Variants in SLC8A1 observed in about 807,000 individuals in gnomAD.
SLC8A1 encodes sodium/calcium exchanger 1.
Under a neutral mutation model 68.3 loss-of-function variants are expected in SLC8A1, and 18 were observed. The ratio of observed to expected loss-of-function variants is 0.26; its 90% CI spans 0.18 to 0.39. The LOEUF (loss-of-function observed/expected upper bound fraction) is 0.39. Ranked by LOEUF, SLC8A1 falls within the 10% of genes least tolerant of loss-of-function variation. The pLI is 1.00. For synonymous variants in SLC8A1, 475 were observed against 415.5 expected, an observed-to-expected ratio of 1.14 and a Z score of -1.74; for missense variants, 985 against 1,156.7, an observed-to-expected ratio of 0.85 and a Z score of 2.15.
At chr2:40,354,148 A>G (rs1346564697) in intron 2 of SLC8A1, among the ~76,000 whole-genome samples, 2 of 152,190 alleles carry the variant, frequency 1.3e-5, no homozygotes, top group African/African-American at 4.8e-5. Flanking sequence ...ACCACTTTGC[A>G]TTCTCCCTAG....
intron 2 of SLC8A1, among the ~76,000 whole-genome samples, chr2:40,401,335 C>T (rs990375800): frequency 2.0e-5 from 3 of 152,152 alleles, no homozygotes; most frequent in African/African-American, 7.2e-5. Flanking sequence ...ATTTCTTCCC[C>T]TTAAACTTCT....
intron 2 of SLC8A1, among the ~76,000 whole-genome samples, chr2:40,330,889 C>T (rs2076338379): frequency 6.6e-6 from 1 of 152,182 alleles, no homozygotes; most frequent in Non-Finnish European, 1.5e-5. Flanking sequence ...CTTGTAACTA[C>T]AGATAAATAT....
intron 1 of SLC8A1, among the ~76,000 whole-genome samples, chr2:40,484,035 C>CA (rs990828285): frequency 6.6e-6 from 1 of 152,160 alleles, no homozygotes; most frequent in African/African-American, 2.4e-5. Context: ...CCTCAACCAT[C>CA]ATTCTGTTAA....
At chr2:40,191,470 C>G (rs2051827765) in intron 2 of SLC8A1, among the ~76,000 whole-genome samples, 1 of 152,168 alleles carries the variant, frequency 6.6e-6, no homozygotes. Flanking sequence ...AGCTTAAAAT[C>G]AAAATTAACC....
chr2:40,385,048 C>T (rs981655788), intron 2 of SLC8A1, among the ~76,000 whole-genome samples: 5 of 152,020 alleles, frequency 3.3e-5, no homozygotes, highest in South Asian at 2.1e-4. Context: ...CTAAAATAAT[C>T]ATAAATGACA....
intron 2 of SLC8A1, among the ~76,000 whole-genome samples, chr2:40,261,949 T>C (rs2149097042): frequency 6.6e-6 from 1 of 151,626 alleles, no homozygotes; most frequent in African/African-American, 2.4e-5. Context: ...CTTGAAGACA[T>C]GAAATGTGTC....
At chr2:40,278,942 T>G (rs958300863) in intron 2 of SLC8A1, among the ~76,000 whole-genome samples, 3 of 152,240 alleles carry the variant, frequency 2.0e-5, no homozygotes, top group Admixed American at 1.3e-4. Context: ...GCTTAAATAT[T>G]GCTTACTTTG....
At chr2:40,463,969 A>G (rs958354406) in intron 1 of SLC8A1, among the ~76,000 whole-genome samples, 7 of 151,728 alleles carry the variant, frequency 4.6e-5, no homozygotes, top group Non-Finnish European at 1.0e-4. Context: ...ATATTGGCTC[A>G]CTGCAACCTC....
At chr2:40,376,663 C>T in intron 2 of SLC8A1, among the ~76,000 whole-genome samples, 1 of 152,088 alleles carries the variant, frequency 6.6e-6, no homozygotes, top group Non-Finnish European at 1.5e-5. Flanking sequence ...ACCAGGCAAC[C>T]ATGGAGTCAC....
At chr2:40,097,990 TG>T (rs2033674868) in exon 8 of SLC8A1, 1 of 137,392 alleles carries the variant, frequency 7.3e-6, no homozygotes, top group Non-Finnish European at 1.5e-5. Context: ...ACAAATATTA[TG>T]TTTTTTTTTA....
intron 1 of SLC8A1, among the ~76,000 whole-genome samples, chr2:40,504,844 T>C (rs1237188492): frequency 1.3e-5 from 2 of 151,958 alleles, no homozygotes; most frequent in Admixed American, 6.6e-5. Context: ...AGGAACCCTT[T>C]GTACACTCTT....
intron 2 of SLC8A1, among the ~76,000 whole-genome samples, chr2:40,408,704 C>T (rs1369565400): frequency 6.6e-6 from 1 of 152,112 alleles, no homozygotes; most frequent in Non-Finnish European, 1.5e-5. Context: ...AGTGGTAAAA[C>T]AGCACGAAAG....
At chr2:40,155,122 A>AATTATT (rs71404279) in intron 6 of SLC8A1, among the ~76,000 whole-genome samples, 1 of 151,370 alleles carries the variant, frequency 6.6e-6, no homozygotes, top group Admixed American at 6.6e-5. Flanking sequence ...GACACAGCAG[A>AATTATT]ATTATTATTA....
intron 2 of SLC8A1, among the ~76,000 whole-genome samples, chr2:40,301,207 G>T (rs554248377): frequency 3.3e-5 from 5 of 152,134 alleles, no homozygotes; most frequent in African/African-American, 1.2e-4. Context: ...TTTGCTAAGT[G>T]CTCTATATGT....
chr2:40,438,449 G>T (rs1699869961), intron 1 of SLC8A1, among the ~76,000 whole-genome samples: 1 of 152,108 alleles, frequency 6.6e-6, no homozygotes, highest in Non-Finnish European at 1.5e-5. Context: ...TATTCATCAA[G>T]CCTCTATGGA....
intron 2 of SLC8A1, among the ~76,000 whole-genome samples, chr2:40,282,704 A>G (rs912198264): frequency 4.6e-5 from 7 of 152,252 alleles, no homozygotes; most frequent in South Asian, 2.1e-4. Flanking sequence ...GCAGGAAATA[A>G]TTGCCAGGAA....
intron 1 of SLC8A1, among the ~76,000 whole-genome samples, chr2:40,451,224 A>T (rs772395405): frequency 2.0e-5 from 3 of 152,262 alleles, no homozygotes; most frequent in Middle Eastern, 3.4e-3. Context: ...GTTCCCTTCC[A>T]ATCTCTTGGG....
chr2:40,265,421 G>A (rs1171721301), intron 2 of SLC8A1, among the ~76,000 whole-genome samples: 3 of 152,040 alleles, frequency 2.0e-5, no homozygotes, highest in African/African-American at 7.2e-5. Flanking sequence ...CGAAGAAAAT[G>A]GACTTTTCTG....
At chr2:40,141,904 G>A (rs550207544) in intron 6 of SLC8A1, among the ~76,000 whole-genome samples, 2 of 152,318 alleles carry the variant, frequency 1.3e-5, no homozygotes, top group African/African-American at 4.8e-5. Flanking sequence ...TGAGTGTCCA[G>A]TGAGAAGACA....
Sources: allele counts gnomAD v4.1 joint callset (sites outside exome capture counted in the v4.1 genomes callset), GRCh38; gene constraint gnomAD v4.1.1; transcripts MANE v1.5; gene names NCBI Gene and HGNC (gene_info 2026-07-23, HGNC 2026-07-21).